SLC2A13: variants seen among roughly 807,000 people sequenced by gnomAD.
SLC2A13 encodes proton myo-inositol cotransporter.
A neutral mutation model predicts 64.4 loss-of-function variants in SLC2A13; 32 were observed. The observed-to-expected ratio is 0.50, with a 90% CI of 0.37 to 0.67. SLC2A13 has a LOEUF of 0.67. Ranked by LOEUF, SLC2A13 falls within the 30% of genes least tolerant of loss-of-function variation. SLC2A13 has a pLI of 0.00. For missense variants in SLC2A13, 743 were observed against 829.2 expected, an observed-to-expected ratio of 0.90 and a Z score of 1.28; for synonymous variants, 338 against 327.1, an observed-to-expected ratio of 1.03 and a Z score of -0.36.
intron 3 of SLC2A13, among the ~76,000 whole-genome samples, chr12:39,992,349 C>G (rs1471803063): frequency 6.6e-6 from 1 of 152,134 alleles, no homozygotes; most frequent in Non-Finnish European, 1.5e-5. Flanking sequence ...CTGACAGATG[C>G]TAGCATGATA....
chr12:40,058,087 A>T (rs144982506), intron 1 of SLC2A13, among the ~76,000 whole-genome samples: 2,823 of 138,972 alleles, frequency 0.02, 1 homozygote, highest in Middle Eastern at 0.048. Context: ...ATAGATAGAT[A>T]GATTGATTTA....
intron 6 of SLC2A13, among the ~76,000 whole-genome samples, chr12:39,854,574 C>T (rs1037618452): frequency 6.6e-5 from 10 of 152,124 alleles, no homozygotes; most frequent in Non-Finnish European, 1.2e-4. Flanking sequence ...CTCAGACTCT[C>T]ACAATCTCTC....
chr12:39,894,677 C>A (rs1421258899), intron 4 of SLC2A13, among the ~76,000 whole-genome samples: 2 of 152,172 alleles, frequency 1.3e-5, no homozygotes, highest in African/African-American at 4.8e-5. Flanking sequence ...TCAGGGCCAA[C>A]AGCTAAAGCA....
At chr12:39,998,810 A>AT (rs2136178515) in intron 3 of SLC2A13, among the ~76,000 whole-genome samples, 1 of 152,158 alleles carries the variant, frequency 6.6e-6, no homozygotes, top group South Asian at 2.1e-4. Context: ...AGGATATGAG[A>AT]TTTTGGAGGG....
intron 4 of SLC2A13, among the ~76,000 whole-genome samples, chr12:39,948,601 T>C (rs1946178574): frequency 1.3e-5 from 2 of 152,128 alleles, no homozygotes; most frequent in Non-Finnish European, 2.9e-5. Context: ...TAAACTCACC[T>C]TGGTGAGAAA....
At chr12:39,814,851 T>G (rs143198755) in intron 7 of SLC2A13, among the ~76,000 whole-genome samples, 208 of 151,830 alleles carry the variant, frequency 1.4e-3, no homozygotes, top group Admixed American at 2.3e-3. Context: ...TTATGCATAT[T>G]TCACAATATG....
Position 40,105,173 on chromosome 12 carries a change from T to C in SLC2A13, c.556+80A>G. The stretch of plus-strand genomic sequence containing the variant: ...CTGGGAGACCAGACGGGGACCCCGA[T>C]GGGCAAGAGGCACGCAACACCCAGG... On this transcript the variant is annotated intron_variant, in intron 1 of 9. Transcript: ENST00000280871. The surrounding 1 kb of genome is among the most constrained non-coding windows in gnomAD (Gnocchi z 4.2). 8.4e-6 allele frequency: 12 copies of C among 1,421,012 alleles called. No individual in the cohort carries two copies. The highest frequency in any genetic ancestry group is 1.1e-5 in the Non-Finnish European group (12 of 1,092,298). 88.0% of individuals were successfully genotyped at this position (1,421,012 alleles called of 1,614,324 possible).
chr12:40,024,486 C>T (rs1258483258), intron 3 of SLC2A13, among the ~76,000 whole-genome samples: 1 of 152,218 alleles, frequency 6.6e-6, no homozygotes, highest in Non-Finnish European at 1.5e-5. Flanking sequence ...GATTCCTTTT[C>T]ACCCTTCAAG....
chr12:40,031,761 T>C (rs747747697), intron 2 of SLC2A13, among the ~76,000 whole-genome samples: 2 of 152,170 alleles, frequency 1.3e-5, no homozygotes, highest in Non-Finnish European at 2.9e-5. Flanking sequence ...CCTCTAACGA[T>C]GTGCAGACTG....
At chr12:39,864,084 A>G (rs539076118) in intron 6 of SLC2A13, among the ~76,000 whole-genome samples, 31 of 152,242 alleles carry the variant, frequency 2.0e-4, no homozygotes, top group Non-Finnish European at 3.8e-4. Context: ...GCTGCCAAAT[A>G]TATTAATCGA....
chr12:39,935,052 T>G (rs777440459), intron 4 of SLC2A13, among the ~76,000 whole-genome samples: 4 of 152,200 alleles, frequency 2.6e-5, no homozygotes, highest in Non-Finnish European at 5.9e-5. Flanking sequence ...GAAAGAGATA[T>G]GACTTGAAGA....
chr12:40,085,783 G>C (rs1300277287), intron 1 of SLC2A13, among the ~76,000 whole-genome samples: 1 of 152,104 alleles, frequency 6.6e-6, no homozygotes, highest in African/African-American at 2.4e-5. Flanking sequence ...CAAGCATTAA[G>C]TGACTTATCT....
chr12:39,888,500 C>T (rs555072193), intron 4 of SLC2A13, among the ~76,000 whole-genome samples: 1 of 152,370 alleles, frequency 6.6e-6, no homozygotes, highest in East Asian at 1.9e-4. Context: ...GTTGGGATTA[C>T]AGGCTTGAGC....
In SLC2A13 at chr12:39,755,050, AT is replaced by A. The variant is rs1261475780; in HGVS notation, c.*4975del. The A allele has an allele frequency of 6.6e-6, 1 of 152,118 alleles. No individual in the cohort carries two copies. Among genetic ancestry groups the A allele is most frequent in the Non-Finnish European group, 1.5e-5 (1 of 67,942 alleles). The allele number at this position is 152,118 out of a possible 1,614,324, so 9.4% of individuals were successfully genotyped here. ...TGAGTAATGAATTATTTTAACTTTT[AT>A]TTGATTATTTTCATTTACAGTTCTG... On this transcript the variant is annotated 3_prime_UTR_variant, in exon 10 of 10. Transcript: ENST00000280871.
chr12:39,899,266 C>A (rs1212142901), intron 4 of SLC2A13, among the ~76,000 whole-genome samples: 1 of 152,000 alleles, frequency 6.6e-6, no homozygotes, highest in Non-Finnish European at 1.5e-5. Context: ...AGTTTATTTG[C>A]GTAGAGGTGT....
intron 3 of SLC2A13, among the ~76,000 whole-genome samples, chr12:39,987,499 C>G (rs1323558384): frequency 1.3e-5 from 2 of 152,086 alleles, no homozygotes; most frequent in African/African-American, 4.8e-5. Context: ...TAACAATAAC[C>G]TGTTTCTCTC....
chr12:40,072,073 C>A (rs1392007060), intron 1 of SLC2A13, among the ~76,000 whole-genome samples: 1 of 152,120 alleles, frequency 6.6e-6, no homozygotes, highest in Non-Finnish European at 1.5e-5. Context: ...TTTAAAAGCA[C>A]TGCTTTCAGT....
chr12:40,045,137 G>T (rs1948151702), intron 2 of SLC2A13, among the ~76,000 whole-genome samples: 1 of 152,000 alleles, frequency 6.6e-6, no homozygotes, highest in South Asian at 2.1e-4. Flanking sequence ...AGTAAATCTG[G>T]GACACTGGGT....
At chr12:40,076,638 G>C (rs1938186908) in intron 1 of SLC2A13, among the ~76,000 whole-genome samples, 1 of 152,042 alleles carries the variant, frequency 6.6e-6, no homozygotes, top group African/African-American at 2.4e-5. Flanking sequence ...CTTTATGATA[G>C]AACGAATTAT....
Sources: allele counts gnomAD v4.1 joint callset (sites outside exome capture counted in the v4.1 genomes callset), GRCh38; gene constraint gnomAD v4.1.1; non-coding constraint Gnocchi (gnomAD v3.1); transcripts MANE v1.5; gene names NCBI Gene and HGNC (gene_info 2026-07-23, HGNC 2026-07-21).